Variants in DACH2 observed in about 807,000 individuals in gnomAD.
The protein encoded by DACH2 is dachshund family transcription factor 2, also known as dachshund homolog 2.
DACH2 carries 17 observed loss-of-function variants against 35.8 expected under a neutral mutation model. The ratio of observed to expected loss-of-function variants is 0.48; its 90% CI spans 0.33 to 0.71. DACH2 has a LOEUF of 0.71. Ranked by LOEUF, DACH2 falls within the 30% of genes least tolerant of loss-of-function variation. The pLI is 0.02. For missense variants in DACH2, 469 were observed against 472.7 expected (o/e 0.99, Z 0.07); for synonymous variants, 195 against 177.3 (o/e 1.10, Z -0.79).
At chrX:86,605,395 G>A (rs189078582) in intron 3 of DACH2, among the ~76,000 whole-genome samples, 103 of 110,479 alleles carry the variant, frequency 9.3e-4, no homozygotes, top group African/African-American at 3.3e-3. Flanking sequence ...ATATTTATGG[G>A]TATGGAATTC....
chrX:86,722,261 T>C (rs1277451570), intron 6 of DACH2, among the ~76,000 whole-genome samples: 1 of 112,365 alleles, frequency 8.9e-6, no homozygotes, highest in Non-Finnish European at 1.9e-5. Context: ...AGTTGGATTT[T>C]TTTTAAACGC....
Position 86,411,169 on chromosome X carries a change from T to A in DACH2, c.527+34307T>A, listed in dbSNP as rs1221460384. Among the ~76,000 whole-genome samples the A allele has an allele frequency of 2.1e-4, 22 of 105,088 alleles. No individual in the cohort carries two copies. In the Admixed American group the frequency reaches 2.2e-3, roughly 11 times the overall value. 91.3% of individuals were successfully genotyped at this position (105,088 alleles called of 115,157 possible). On this transcript the variant is annotated intron_variant, in intron 2 of 11. Coordinates refer to ENST00000373125, the MANE Select transcript of DACH2 (RefSeq NM_053281.3). ...CAAAACTGAAGGACTTGGAGTCCGA[T>A]GTTCGAGGGCAGGAAGGATGCAGCA...
At chrX:86,443,570 T>A (rs2037208083) in intron 2 of DACH2, among the ~76,000 whole-genome samples, 1 of 110,000 alleles carries the variant, frequency 9.1e-6, no homozygotes, top group East Asian at 2.9e-4. Context: ...AAAGAAGTGA[T>A]GAAAGTGGGG....
At chrX:86,163,576 C>T (rs1602245352) in intron 1 of DACH2, among the ~76,000 whole-genome samples, 1 of 111,253 alleles carries the variant, frequency 9.0e-6, no homozygotes, top group East Asian at 2.8e-4. Flanking sequence ...TTCTGCTTCT[C>T]TTTCTCCTCC....
intron 1 of DACH2, among the ~76,000 whole-genome samples, chrX:86,230,140 A>G (rs2032917759): frequency 9.0e-6 from 1 of 110,642 alleles, no homozygotes; most frequent in African/African-American, 3.3e-5. Context: ...TGTCCCTTGT[A>G]TGCTGATTTT....
intron 1 of DACH2, among the ~76,000 whole-genome samples, chrX:86,294,295 C>G (rs746077550): frequency 1.8e-5 from 2 of 111,244 alleles, no homozygotes; most frequent in South Asian, 7.7e-4. Context: ...AAGCACTTCT[C>G]TGTGTTGATT....
chrX:86,434,078 CTG>C (rs1344882722), intron 2 of DACH2, among the ~76,000 whole-genome samples: 5 of 112,061 alleles, frequency 4.5e-5, no homozygotes, highest in African/African-American at 1.6e-4. Flanking sequence ...TGATCAATAA[CTG>C]TATGAGAGAA....
At chrX:86,224,575 GT>G (rs201728115) in intron 1 of DACH2, among the ~76,000 whole-genome samples, 18 of 105,494 alleles carry the variant, frequency 1.7e-4, no homozygotes, top group Non-Finnish European at 2.9e-4. Flanking sequence ...GCACATGACA[GT>G]TTTTTTTTTG....
chrX:86,404,680 G>A (rs751803814), intron 2 of DACH2, among the ~76,000 whole-genome samples: 1 of 111,705 alleles, frequency 9.0e-6, no homozygotes, highest in African/African-American at 3.3e-5. Flanking sequence ...TGGATCTAAC[G>A]TTCTGGGATC....
chrX:86,282,801 G>A (rs1602352577), intron 1 of DACH2, among the ~76,000 whole-genome samples: 1 of 14,609 alleles, frequency 6.8e-5, no homozygotes. Flanking sequence ...TTTTTGAGAC[G>A]GAGTCTCGCT....
intron 7 of DACH2, among the ~76,000 whole-genome samples, chrX:86,743,136 T>A (rs763137780): frequency 1.8e-5 from 2 of 111,569 alleles, no homozygotes; most frequent in Non-Finnish European, 3.8e-5. Flanking sequence ...TCCTTGAAAG[T>A]TATTTTAAAA....
At chrX:86,480,503 A>G (rs370435319) in intron 2 of DACH2, among the ~76,000 whole-genome samples, 1 of 111,741 alleles carries the variant, frequency 8.9e-6, no homozygotes, top group South Asian at 3.7e-4. Flanking sequence ...AAGAACCTGA[A>G]GCTCTACAAT....
At chrX:86,536,484 G>A (rs1325994708) in intron 3 of DACH2, among the ~76,000 whole-genome samples, 1 of 112,169 alleles carries the variant, frequency 8.9e-6, no homozygotes. Context: ...AGTCTGACAA[G>A]AGGACATCCA....
chrX:86,696,801 T>C (rs1347723438), intron 5 of DACH2, among the ~76,000 whole-genome samples: 1 of 111,516 alleles, frequency 9.0e-6, no homozygotes, highest in African/African-American at 3.3e-5. Context: ...ATGAGTTTTA[T>C]TTCTAGGAGC....
chrX:86,317,345 C>T (rs2034932632), intron 1 of DACH2, among the ~76,000 whole-genome samples: 1 of 111,071 alleles, frequency 9.0e-6, no homozygotes, highest in Non-Finnish European at 1.9e-5. Flanking sequence ...GGTTATCTGG[C>T]AGGATTTGCA....
chrX:86,329,381 A>T, intron 1 of DACH2, among the ~76,000 whole-genome samples: 1 of 110,787 alleles, frequency 9.0e-6, no homozygotes, highest in Non-Finnish European at 1.9e-5. Flanking sequence ...ATAATTACTT[A>T]ACAGCATGTA....
At chrX:86,396,089 G>A (rs1230094236) in intron 2 of DACH2, among the ~76,000 whole-genome samples, 1 of 111,959 alleles carries the variant, frequency 8.9e-6, no homozygotes, top group African/African-American at 3.3e-5. Context: ...TCTAACTGGT[G>A]TGAGATGGTA....
chrX:86,625,673 C>T (rs1214451404), intron 3 of DACH2, among the ~76,000 whole-genome samples: 1 of 111,229 alleles, frequency 9.0e-6, no homozygotes, highest in Non-Finnish European at 1.9e-5. Context: ...GCTAGGGAGG[C>T]CTCACCATTA....
At chrX:86,379,514 G>A (rs1213458990) in intron 2 of DACH2, among the ~76,000 whole-genome samples, 1 of 109,415 alleles carries the variant, frequency 9.1e-6, no homozygotes, top group East Asian at 2.9e-4. Context: ...AAGAAAGAAA[G>A]AAAAAGAGAA....
Sources: gnomAD v4.1 joint callset for allele counts (sites outside exome capture counted in the v4.1 genomes callset) on GRCh38, gnomAD v4.1.1 for gene constraint, MANE v1.5 for transcripts, NCBI Gene and HGNC (gene_info 2026-07-23, HGNC 2026-07-21) for gene names.